The following LRRTM4 variants were observed in gnomAD, a reference collection of about 807,000 sequenced individuals.
LRRTM4 encodes the protein leucine rich repeat transmembrane neuronal 4, also known as leucine-rich repeat transmembrane neuronal protein 4.
Under a neutral mutation model 47.6 loss-of-function variants are expected in LRRTM4, and 25 were observed. The ratio of observed to expected loss-of-function variants is 0.53; its 90% CI spans 0.38 to 0.73. The LOEUF is 0.73. LRRTM4 is among the 30% of genes least tolerant of loss of function. The pLI, the probability that LRRTM4 is intolerant of heterozygous loss-of-function variation, is 0.00. For missense variants in LRRTM4, 638 were observed against 713.4 expected (o/e 0.89, Z 1.20); for synonymous variants, 311 against 269.5 (o/e 1.15, Z -1.51).
intron 3 of LRRTM4, among the ~76,000 whole-genome samples, chr2:76,751,623 A>G (rs1050052767): frequency 6.6e-6 from 1 of 152,032 alleles, no homozygotes; most frequent in Admixed American, 6.6e-5. Context: ...TGTTTTTATT[A>G]TATCTTATTC....
At chr2:77,393,487 C>A (rs72809199) in intron 3 of LRRTM4, among the ~76,000 whole-genome samples, 1 of 151,894 alleles carries the variant, frequency 6.6e-6, no homozygotes, top group Non-Finnish European at 1.5e-5. Flanking sequence ...AAGTTCATTG[C>A]GGGAGTTTAA....
intron 3 of LRRTM4, among the ~76,000 whole-genome samples, chr2:76,786,219 C>A (rs1399137181): frequency 6.6e-6 from 1 of 151,972 alleles, no homozygotes; most frequent in Non-Finnish European, 1.5e-5. Flanking sequence ...CCCAAATGAA[C>A]CATGAACGAT....
chr2:77,421,775 C>A (rs1297184677), intron 3 of LRRTM4, among the ~76,000 whole-genome samples: 1 of 151,700 alleles, frequency 6.6e-6, no homozygotes, highest in African/African-American at 2.4e-5. Flanking sequence ...CTCCTCATAA[C>A]AAAGAATTAT....
chr2:76,751,532 G>C (rs866025122), intron 3 of LRRTM4, among the ~76,000 whole-genome samples: 2 of 152,100 alleles, frequency 1.3e-5, no homozygotes, highest in African/African-American at 2.4e-5. Context: ...GGAACAGACT[G>C]TAAAGTGACA....
At chr2:76,919,623 A>T (rs1674372031) in intron 3 of LRRTM4, among the ~76,000 whole-genome samples, 1 of 152,070 alleles carries the variant, frequency 6.6e-6, no homozygotes, top group Admixed American at 6.6e-5. Context: ...GAGCCCTGAC[A>T]TTTTTTAATT....
At position 77,521,165 on chromosome 2, in the gene LRRTM4, G is replaced by A. The variant is rs989184360; in HGVS notation, c.4+503C>T. On this transcript the variant is annotated intron_variant, in intron 2 of 3. Coordinates refer to ENST00000409884, the MANE Select transcript of LRRTM4 (RefSeq NM_001134745.3). The stretch of plus-strand genomic sequence containing the variant: ...GGGGGGAAAAAAGCCAGTCACACTC[G>A]AAAAAATAAGACTGGCAAATGACTG... Among the ~76,000 whole-genome samples the A allele has an allele frequency of 7.5e-4, 114 of 151,820 alleles. 1 individual carries two copies. The highest frequency in any genetic ancestry group is 2.7e-3 in the African/African-American group (112 of 41,432).
chr2:76,868,504 G>A (rs1672528966), intron 3 of LRRTM4, among the ~76,000 whole-genome samples: 1 of 152,086 alleles, frequency 6.6e-6, no homozygotes, highest in African/African-American at 2.4e-5. Context: ...GAATACACAT[G>A]TTAAACTCCC....
chr2:76,859,212 T>A (rs1430227257), intron 3 of LRRTM4, among the ~76,000 whole-genome samples: 1 of 152,162 alleles, frequency 6.6e-6, no homozygotes, highest in Non-Finnish European at 1.5e-5. Context: ...TGCAAGGGTG[T>A]TGGAGTAGGA....
chr2:77,032,396 CTATTA>C (rs1427480067), intron 3 of LRRTM4, among the ~76,000 whole-genome samples: 1 of 152,068 alleles, frequency 6.6e-6, no homozygotes, highest in African/African-American at 2.4e-5. Context: ...TACCATTGGA[CTATTA>C]TATGTCTATT....
chr2:77,494,520 G>T (rs1573491779), intron 3 of LRRTM4, among the ~76,000 whole-genome samples: 1 of 151,990 alleles, frequency 6.6e-6, no homozygotes, highest in East Asian at 1.9e-4. Context: ...TGGATTAAGA[G>T]AGTCTGCCTC....
At chr2:76,793,217 T>C (rs1379692204) in intron 3 of LRRTM4, among the ~76,000 whole-genome samples, 1 of 152,172 alleles carries the variant, frequency 6.6e-6, no homozygotes, top group African/African-American at 2.4e-5. Context: ...AACACTCATC[T>C]CTTGGTGTTG....
intron 3 of LRRTM4, among the ~76,000 whole-genome samples, chr2:77,268,558 C>T (rs376336651): frequency 1.1e-4 from 16 of 152,092 alleles, no homozygotes; most frequent in African/African-American, 2.7e-4. Flanking sequence ...CCATTCTGCA[C>T]GCTGTATATC....
intron 3 of LRRTM4, among the ~76,000 whole-genome samples, chr2:77,331,148 A>T (rs924971703): frequency 1.3e-5 from 2 of 152,124 alleles, no homozygotes; most frequent in African/African-American, 2.4e-5. Context: ...CAATATTCTT[A>T]TCTTGTTTCT....
At chr2:77,142,989 A>G (rs1047061580) in intron 3 of LRRTM4, among the ~76,000 whole-genome samples, 1 of 152,178 alleles carries the variant, frequency 6.6e-6, no homozygotes, top group African/African-American at 2.4e-5. Flanking sequence ...CTATATTTGA[A>G]TTATCTGTTC....
At chr2:76,838,721 G>T (rs375659531) in intron 3 of LRRTM4, among the ~76,000 whole-genome samples, 2 of 151,984 alleles carry the variant, frequency 1.3e-5, no homozygotes, top group East Asian at 1.9e-4. Flanking sequence ...GCATTTTTAA[G>T]AAATTGGTGT....
chr2:76,930,852 G>T (rs927771700), intron 3 of LRRTM4, among the ~76,000 whole-genome samples: 5 of 152,124 alleles, frequency 3.3e-5, no homozygotes, highest in African/African-American at 1.2e-4. Flanking sequence ...AAATGCTCAA[G>T]AAATTATGAA....
intron 3 of LRRTM4, among the ~76,000 whole-genome samples, chr2:76,881,455 G>C (rs1455401709): frequency 1.3e-5 from 2 of 148,282 alleles, no homozygotes; most frequent in Non-Finnish European, 3.0e-5. Flanking sequence ...TGAGTTGAGA[G>C]GCTTGCTAAA....
chr2:77,138,358 G>C (rs2103752153), intron 3 of LRRTM4, among the ~76,000 whole-genome samples: 1 of 152,224 alleles, frequency 6.6e-6, no homozygotes, highest in East Asian at 1.9e-4. Context: ...AGAAAAACCT[G>C]CTCCTGAATG....
In LRRTM4 at chr2:77,234,208, C is replaced by T. The variant is rs187582148; in HGVS notation, c.1551+284110G>A. Among the ~76,000 whole-genome samples, 17 of 152,196 alleles carry T rather than the reference C, an allele frequency of 1.1e-4. No individual in the cohort carries two copies. The East Asian group carries it at 2.1e-3, about 19-fold the overall frequency. On this transcript the variant is annotated intron_variant, in intron 3 of 3. Transcript: ENST00000409884. Reference sequence around the variant, plus strand: ...GTTATGAAAACCCAAATCATATAAACGAGATATATGTCCTTAATATTTTAA... The same window carrying T: ...GTTATGAAAACCCAAATCATATAAATGAGATATATGTCCTTAATATTTTAA...
Sources: gnomAD v4.1 joint callset for allele counts (sites outside exome capture counted in the v4.1 genomes callset) on GRCh38, gnomAD v4.1.1 for gene constraint, MANE v1.5 for transcripts, NCBI Gene and HGNC (gene_info 2026-07-23, HGNC 2026-07-21) for gene names.